The following ANP32B variants were observed in gnomAD, a reference collection of about 807,000 sequenced individuals.
ANP32B encodes the protein acidic nuclear phosphoprotein 32 family member B.
A neutral mutation model predicts 32.2 loss-of-function variants in ANP32B; 6 were observed. That is an observed-to-expected ratio of 0.19 (90% CI 0.10 to 0.37). The LOEUF (loss-of-function observed/expected upper bound fraction) is 0.37. Among genes scored for constraint, ANP32B ranks in the 10% least tolerant of loss-of-function variants. The pLI is 1.00. For synonymous variants in ANP32B, 98 were observed against 105.8 expected (o/e 0.93, Z 0.45); for missense variants, 204 against 289.2 (o/e 0.71, Z 2.14).
At chr9:98,012,393 T>C in intron 5 of ANP32B, 28 bp from the exon 6 acceptor site, 1 of 1,602,386 alleles carries the variant, frequency 6.2e-7, no homozygotes. Context: ...AGAATTAATT[T>C]AATGTTATGC....
intron 4 of ANP32B, among the ~76,000 whole-genome samples, chr9:98,006,078 C>T (rs886720309): frequency 1.4e-5 from 2 of 144,720 alleles, no homozygotes; most frequent in African/African-American, 4.9e-5. Flanking sequence ...AATCTAATGC[C>T]TGATGATCCG....
intron 3 of ANP32B, among the ~76,000 whole-genome samples, chr9:98,004,117 TGA>T (rs1828038632): frequency 6.6e-6 from 1 of 152,204 alleles, no homozygotes. Context: ...AATGAAGATC[TGA>T]GTAAATACAT....
At chr9:98,013,816 A>G (rs1828229329) in intron 6 of ANP32B, among the ~76,000 whole-genome samples, 1 of 152,062 alleles carries the variant, frequency 6.6e-6, no homozygotes, top group Non-Finnish European at 1.5e-5. Flanking sequence ...AGGTCATGCC[A>G]CTGCACTGCA....
At chr9:98,003,814 C>A (rs146677270) in intron 3 of ANP32B, among the ~76,000 whole-genome samples, 5 of 152,084 alleles carry the variant, frequency 3.3e-5, no homozygotes, top group Non-Finnish European at 5.9e-5. Context: ...TTAGAGAATA[C>A]CGAAGTTTTT....
chr9:98,006,091 G>GTGGAGCTGAGGTGGTGATGC (rs1395179237), intron 4 of ANP32B, among the ~76,000 whole-genome samples: 21 of 142,704 alleles, frequency 1.5e-4, no homozygotes, highest in African/African-American at 5.1e-4. Flanking sequence ...ATGATCCGAG[G>GTGGAGCTGAGGTGGTGATGC]TGGAGCTGAG....
At chr9:97,996,133 G>A (rs1172218581) in intron 2 of ANP32B, among the ~76,000 whole-genome samples, 1 of 152,092 alleles carries the variant, frequency 6.6e-6, no homozygotes, top group African/African-American at 2.4e-5. Context: ...ATATTTGCAT[G>A]GGTTATCAGT....
chr9:97,999,996 T>C (rs1311590487), intron 3 of ANP32B, among the ~76,000 whole-genome samples: 3 of 152,236 alleles, frequency 2.0e-5, no homozygotes, highest in African/African-American at 4.8e-5. Context: ...GAATGCTCTG[T>C]TGATACTTGA....
At chr9:98,004,223 T>C (rs1828040386) in intron 3 of ANP32B, among the ~76,000 whole-genome samples, 1 of 152,160 alleles carries the variant, frequency 6.6e-6, no homozygotes, top group Non-Finnish European at 1.5e-5. Flanking sequence ...AACTGATGGT[T>C]CCAAAGAAAT....
chr9:97,996,244 T>G (rs1455902424), intron 2 of ANP32B, among the ~76,000 whole-genome samples: 8 of 152,228 alleles, frequency 5.3e-5, no homozygotes, highest in African/African-American at 4.8e-5. Context: ...GTGTTTTGTG[T>G]TGTTTTCCTA....
chr9:97,985,561 A>G (rs944536681), intron 1 of ANP32B, among the ~76,000 whole-genome samples: 9 of 152,214 alleles, frequency 5.9e-5, no homozygotes, highest in Non-Finnish European at 8.8e-5. Flanking sequence ...GTAATTGCAA[A>G]TCCGTAGAAT....
intron 5 of ANP32B, 123 bp downstream of exon 5, chr9:98,011,512 A>AT: frequency 1.5e-6 from 2 of 1,332,604 alleles, no homozygotes; most frequent in Non-Finnish European, 2.0e-6. Context: ...CTGTGAATAC[A>AT]TTTACAATAT....
intron 1 of ANP32B, among the ~76,000 whole-genome samples, chr9:97,984,260 C>T (rs1420077364): frequency 6.6e-6 from 1 of 150,974 alleles, no homozygotes; most frequent in East Asian, 2.0e-4. Context: ...GCCAGGGCGG[C>T]GGAGGTGGCG....
At chr9:98,012,922 G>A (rs960296316) in intron 6 of ANP32B, among the ~76,000 whole-genome samples, 6 of 152,182 alleles carry the variant, frequency 3.9e-5, no homozygotes, top group African/African-American at 7.2e-5. Context: ...AGTAGAGACG[G>A]GGTTTCACCG....
chr9:98,000,190 G>T (rs1331987803), intron 3 of ANP32B, among the ~76,000 whole-genome samples: 1 of 152,140 alleles, frequency 6.6e-6, no homozygotes, highest in Non-Finnish European at 1.5e-5. Context: ...GTTAGGCCAG[G>T]CTGGTCTTGA....
chr9:97,996,032 C>G (rs1437255815), intron 2 of ANP32B, among the ~76,000 whole-genome samples: 1 of 151,392 alleles, frequency 6.6e-6, no homozygotes. Context: ...ATTAAATGCT[C>G]AAGCAGTCTT....
At chr9:97,995,332 T>C (rs1171147494) in intron 2 of ANP32B, among the ~76,000 whole-genome samples, 1 of 152,178 alleles carries the variant, frequency 6.6e-6, no homozygotes, top group Non-Finnish European at 1.5e-5. Flanking sequence ...TGGTTAGTAC[T>C]AGAGCCAAAA....
chr9:97,985,071 C>G (rs926276767), intron 1 of ANP32B, among the ~76,000 whole-genome samples: 3 of 150,412 alleles, frequency 2.0e-5, no homozygotes, highest in South Asian at 2.1e-4. Context: ...CGCGAGCCCC[C>G]CCCCCGCCGC....
chr9:97,987,682 T>C (rs1001144667), intron 1 of ANP32B: 1 of 152,254 alleles, frequency 6.6e-6, no homozygotes, highest in Non-Finnish European at 1.5e-5. Context: ...TGGCTTGCAG[T>C]CTATGCACCT....
intron 3 of ANP32B, among the ~76,000 whole-genome samples, chr9:97,999,749 T>C (rs759546696): frequency 7.2e-5 from 11 of 152,194 alleles, no homozygotes; most frequent in Non-Finnish European, 1.3e-4. Flanking sequence ...TTGTCCAGTT[T>C]GTGTAAGTTG....
Sources: gnomAD v4.1 joint callset for allele counts (sites outside exome capture counted in the v4.1 genomes callset) on GRCh38, gnomAD v4.1.1 for gene constraint, MANE v1.5 for transcripts, NCBI Gene and HGNC (gene_info 2026-07-23, HGNC 2026-07-21) for gene names.